Variants in GALNT14 observed in about 807,000 individuals in gnomAD.
The protein encoded by GALNT14 is UDP-GalNAc:polypeptide N-acetylgalactosaminyltransferase 14.
In GALNT14, 60 loss-of-function variants were observed where a neutral mutation model predicts 77.5. The observed-to-expected ratio is 0.77, with a 90% CI of 0.63 to 0.96. The LOEUF is 0.96. Ranked by LOEUF, GALNT14 falls within the 40% of genes least tolerant of loss-of-function variation. The probability of loss-of-function intolerance (pLI) is 0.00; values close to 1 mark genes in which losing one functional copy is unlikely to be tolerated. For synonymous variants in GALNT14, 280 were observed against 281.7 expected (o/e 0.99, Z 0.06); for missense variants, 710 against 731.0 (o/e 0.97, Z 0.33).
chr2:30,919,499 A>G (rs1664905233), intron 13 of GALNT14, among the ~76,000 whole-genome samples: 1 of 152,184 alleles, frequency 6.6e-6, no homozygotes. Context: ...CTAAAGCTGA[A>G]CTCAGCCCTT....
intron 13 of GALNT14, among the ~76,000 whole-genome samples, chr2:30,920,216 G>A (rs779282279): frequency 6.6e-6 from 1 of 152,196 alleles, no homozygotes; most frequent in Non-Finnish European, 1.5e-5. Context: ...GTTATTGGTA[G>A]GATATGACTT....
intron 1 of GALNT14, among the ~76,000 whole-genome samples, chr2:31,012,148 A>G (rs567317107): frequency 1.3e-4 from 20 of 152,184 alleles, no homozygotes; most frequent in African/African-American, 4.6e-4. Context: ...CCTGTATTTA[A>G]TTTTTCACAC....
At chr2:31,110,407 CAGAA>C (rs1430395909) in intron 1 of GALNT14, among the ~76,000 whole-genome samples, 2 of 152,164 alleles carry the variant, frequency 1.3e-5, no homozygotes, top group African/African-American at 2.4e-5. Context: ...TAAAAAGTCA[CAGAA>C]AGAAAGAATC....
chr2:30,904,125 G>T, the GALNT14 span, among the ~76,000 whole-genome samples: 1 of 152,150 alleles, frequency 6.6e-6, no homozygotes, highest in Non-Finnish European at 1.5e-5. Context: ...TCTCCACAGG[G>T]AGCCTACAGC....
At chr2:31,002,657 C>A (rs1023687284) in intron 1 of GALNT14, among the ~76,000 whole-genome samples, 1 of 152,276 alleles carries the variant, frequency 6.6e-6, no homozygotes, top group African/African-American at 2.4e-5. Flanking sequence ...GAGAGGGAGA[C>A]GGTGCAACAT....
chr2:31,072,803 G>T (rs1032765164), intron 1 of GALNT14, among the ~76,000 whole-genome samples: 1 of 152,162 alleles, frequency 6.6e-6, no homozygotes, highest in Non-Finnish European at 1.5e-5. Flanking sequence ...CCACCCCAGT[G>T]CTCCTTCCAT....
At chr2:30,898,014 A>T in the GALNT14 span, among the ~76,000 whole-genome samples, 1 of 152,136 alleles carries the variant, frequency 6.6e-6, no homozygotes, top group Non-Finnish European at 1.5e-5. Flanking sequence ...TGTCCCTCAA[A>T]CTCATATGTT....
At chr2:30,979,242 G>C (rs1668834536) in intron 2 of GALNT14, among the ~76,000 whole-genome samples, 1 of 152,224 alleles carries the variant, frequency 6.6e-6, no homozygotes, top group African/African-American at 2.4e-5. Context: ...TTGGCAGCAA[G>C]ATATCTCAGG....
chr2:31,049,500 A>G (rs6709214), intron 1 of GALNT14, among the ~76,000 whole-genome samples: 114,113 of 152,092 alleles, frequency 0.75, 43,073 homozygotes, highest in East Asian at 0.99. Flanking sequence ...CTGGGCCGGG[A>G]CATGGAACCA....
chr2:31,093,946 A>G (rs1676879497), intron 1 of GALNT14, among the ~76,000 whole-genome samples: 1 of 152,154 alleles, frequency 6.6e-6, no homozygotes, highest in East Asian at 1.9e-4. Context: ...CAAGTGATTC[A>G]CATTTACTTT....
chr2:30,894,782 C>G, the GALNT14 span, among the ~76,000 whole-genome samples: 1 of 152,212 alleles, frequency 6.6e-6, no homozygotes, highest in Non-Finnish European at 1.5e-5. Flanking sequence ...GGTCATCCCT[C>G]TGGACTCTTA....
chr2:30,981,521 G>A (rs1328853365), intron 2 of GALNT14, among the ~76,000 whole-genome samples: 3 of 152,182 alleles, frequency 2.0e-5, no homozygotes, highest in Non-Finnish European at 4.4e-5. Flanking sequence ...GCACTGCGTG[G>A]AGGGCATGAG....
intron 9 of GALNT14, among the ~76,000 whole-genome samples, chr2:30,938,131 T>C (rs1172713187): frequency 6.8e-6 from 1 of 147,260 alleles, no homozygotes; most frequent in African/African-American, 2.5e-5. Flanking sequence ...CAGGTGGTGG[T>C]ACTTCCTCTC....
At chr2:30,903,352 G>T in the GALNT14 span, among the ~76,000 whole-genome samples, 3 of 152,192 alleles carry the variant, frequency 2.0e-5, no homozygotes, top group Admixed American at 6.5e-5. Context: ...TTTGAGTGCT[G>T]GCTACACCTG....
intron 1 of GALNT14, among the ~76,000 whole-genome samples, chr2:31,013,356 T>C (rs2148445597): frequency 6.6e-6 from 1 of 152,276 alleles, no homozygotes; most frequent in Middle Eastern, 3.4e-3. Context: ...TACAAAGGGA[T>C]TGACACGAAG....
intron 1 of GALNT14, among the ~76,000 whole-genome samples, chr2:31,016,709 G>T (rs1308615550): frequency 5.3e-5 from 8 of 152,086 alleles, no homozygotes; most frequent in Non-Finnish European, 1.2e-4. Flanking sequence ...CTTCTCCAAG[G>T]CTCCCCTTGG....
chr2:30,890,998 G>A, the GALNT14 span, among the ~76,000 whole-genome samples: 1 of 152,176 alleles, frequency 6.6e-6, no homozygotes, highest in Non-Finnish European at 1.5e-5. Context: ...CATGCTGGGA[G>A]GATCATAGTT....
chr2:31,092,536 G>A (rs1031072581), intron 1 of GALNT14, among the ~76,000 whole-genome samples: 1 of 152,150 alleles, frequency 6.6e-6, no homozygotes, highest in African/African-American at 2.4e-5. Flanking sequence ...CTGAGACTCA[G>A]ACATGTGTCA....
At chr2:30,905,491 C>T (rs1220485047), downstream of GALNT14, among the ~76,000 whole-genome samples, 5 of 151,862 alleles carry the variant, frequency 3.3e-5, no homozygotes, top group Non-Finnish European at 5.9e-5. Context: ...TGAAATGAAG[C>T]GAGACGGCAA....
Sources: allele counts gnomAD v4.1 joint callset (sites outside exome capture counted in the v4.1 genomes callset), GRCh38; gene constraint gnomAD v4.1.1; transcripts MANE v1.5; gene names NCBI Gene and HGNC (gene_info 2026-07-23, HGNC 2026-07-21).